PCDH9: variants seen among roughly 807,000 people sequenced by gnomAD.
The protein encoded by PCDH9 is protocadherin 9, also known as protocadherin-9.
PCDH9 carries 24 observed loss-of-function variants against 70.6 expected under a neutral mutation model. The observed-to-expected ratio is 0.34, with a 90% CI of 0.25 to 0.48. PCDH9 has a LOEUF of 0.48. Among genes scored for constraint, PCDH9 ranks in the 20% least tolerant of loss-of-function variants. PCDH9 has a pLI of 0.99. For missense variants in PCDH9, 1,281 were observed against 1,503.6 expected (o/e 0.85, Z 2.45); for synonymous variants, 562 against 558.5 (o/e 1.01, Z -0.09).
chr13:66,453,414 T>C (rs1352405570), intron 4 of PCDH9, among the ~76,000 whole-genome samples: 1 of 152,206 alleles, frequency 6.6e-6, no homozygotes. Context: ...TTTCACATAG[T>C]GATAGCCTAT....
intron 3 of PCDH9, among the ~76,000 whole-genome samples, chr13:66,659,414 A>G (rs1473215398): frequency 6.6e-6 from 1 of 152,198 alleles, no homozygotes; most frequent in Non-Finnish European, 1.5e-5. Flanking sequence ...TACATTTTAT[A>G]TCCTTGGGGA....
At chr13:66,592,696 G>A (rs1027081740) in intron 4 of PCDH9, among the ~76,000 whole-genome samples, 2 of 151,568 alleles carry the variant, frequency 1.3e-5, no homozygotes, top group Admixed American at 1.3e-4. Context: ...GTTGTCTATT[G>A]TAAGGCAAAT....
chr13:66,646,759 G>A (rs145262761), intron 3 of PCDH9, among the ~76,000 whole-genome samples: 559 of 152,262 alleles, frequency 3.7e-3, no homozygotes, highest in Middle Eastern at 0.017. Flanking sequence ...ATGATCACAG[G>A]ACTTGGTTTT....
intron 3 of PCDH9, among the ~76,000 whole-genome samples, chr13:66,734,701 A>C (rs1472671540): frequency 6.6e-6 from 1 of 152,198 alleles, no homozygotes; most frequent in Non-Finnish European, 1.5e-5. Context: ...AATAAATAGC[A>C]GCTCTATTCA....
chr13:67,046,115 T>C (rs986568453), intron 2 of PCDH9, among the ~76,000 whole-genome samples: 1 of 152,190 alleles, frequency 6.6e-6, no homozygotes, highest in Non-Finnish European at 1.5e-5. Context: ...TTCAAACTAT[T>C]ATAATATGTT....
At chr13:66,412,231 A>C (rs1226306144) in intron 4 of PCDH9, among the ~76,000 whole-genome samples, 1 of 152,194 alleles carries the variant, frequency 6.6e-6, no homozygotes, top group East Asian at 1.9e-4. Flanking sequence ...ATGTGATCAC[A>C]GCTCACTGCA....
chr13:66,794,338 A>G (rs2080206331), intron 3 of PCDH9, among the ~76,000 whole-genome samples: 1 of 152,146 alleles, frequency 6.6e-6, no homozygotes, highest in Non-Finnish European at 1.5e-5. Context: ...AAGATCCTAG[A>G]GTAATCTTTC....
chr13:66,828,453 T>G (rs1202422821), intron 3 of PCDH9, among the ~76,000 whole-genome samples: 1 of 152,212 alleles, frequency 6.6e-6, no homozygotes, highest in African/African-American at 2.4e-5. Context: ...TACATGCTTT[T>G]TCTACCACTA....
At chr13:66,861,979 G>A (rs2081492132) in intron 3 of PCDH9, among the ~76,000 whole-genome samples, 1 of 152,090 alleles carries the variant, frequency 6.6e-6, no homozygotes, top group African/African-American at 2.4e-5. Context: ...AAAGACTGCT[G>A]CAAAAGTGAG....
At chr13:66,739,079 G>C (rs1431955552) in intron 3 of PCDH9, among the ~76,000 whole-genome samples, 1 of 133,046 alleles carries the variant, frequency 7.5e-6, no homozygotes, top group Non-Finnish European at 1.6e-5. Flanking sequence ...AAATGTTAAG[G>C]GCAGCCAGAG....
intron 3 of PCDH9, among the ~76,000 whole-genome samples, chr13:66,802,000 T>TTGTATGTTTGTTTGTTTGTTTGTA (rs201106857): frequency 1.7e-4 from 7 of 40,384 alleles, no homozygotes; most frequent in African/African-American, 3.2e-4. Flanking sequence ...GTTTTTCTGT[T>TTGTATGTTTGTTTGTTTGTTTGTA]TGTTTGTTTG....
At chr13:67,222,981 T>C (rs549524682) in intron 2 of PCDH9, 23 of 152,128 alleles carry the variant, frequency 1.5e-4, no homozygotes, top group Non-Finnish European at 3.4e-4. Flanking sequence ...CCGACTTCTA[T>C]CTCTTTTCTC....
intron 3 of PCDH9, among the ~76,000 whole-genome samples, chr13:66,900,803 G>A (rs1475533430): frequency 6.6e-6 from 1 of 151,496 alleles, no homozygotes; most frequent in Non-Finnish European, 1.5e-5. Context: ...ATTTGTGTGT[G>A]TTAAACAGAA....
intron 2 of PCDH9, among the ~76,000 whole-genome samples, chr13:66,964,724 T>C (rs1040900991): frequency 3.9e-5 from 6 of 152,082 alleles, no homozygotes; most frequent in African/African-American, 1.2e-4. Context: ...ATAGACAAGA[T>C]GCTATTTCAG....
At chr13:66,539,664 G>GT (rs935670605) in intron 4 of PCDH9, among the ~76,000 whole-genome samples, 2 of 151,788 alleles carry the variant, frequency 1.3e-5, no homozygotes, top group African/African-American at 2.4e-5. Context: ...GGAGTATTGG[G>GT]TTTTTTTGTT....
chr13:66,573,224 A>G (rs907382430), intron 4 of PCDH9, among the ~76,000 whole-genome samples: 1 of 134,382 alleles, frequency 7.4e-6, no homozygotes, highest in Non-Finnish European at 1.6e-5. Flanking sequence ...GGCTATTTGT[A>G]TGTCTCTTTT....
In PCDH9 at chr13:66,837,989, T is replaced by C. The variant is rs150242367; in HGVS notation, c.3138+65515A>G. On this transcript the variant is annotated intron_variant, in intron 3 of 4. Coordinates refer to ENST00000377865, the MANE Select transcript of PCDH9 (RefSeq NM_203487.3). ...TGAACACTAAATTTTCACTGAAATA[T>C]AAAGAAAAAAATTTAACATCAAAAA... Among the ~76,000 whole-genome samples the C allele has an allele frequency of 8.2e-3, 1,247 of 151,966 alleles. 21 individuals are homozygous for C. The highest frequency in any genetic ancestry group is 0.034 in the Middle Eastern group (10 of 294).
At chr13:66,873,453 C>T (rs992247436) in intron 3 of PCDH9, among the ~76,000 whole-genome samples, 41 of 152,122 alleles carry the variant, frequency 2.7e-4, no homozygotes, top group African/African-American at 8.2e-4. Flanking sequence ...TTACCAAGGA[C>T]GAGAAGCTCT....
intron 2 of PCDH9, among the ~76,000 whole-genome samples, chr13:66,929,705 G>A (rs2082775856): frequency 6.6e-6 from 1 of 152,188 alleles, no homozygotes; most frequent in African/African-American, 2.4e-5. Flanking sequence ...ATAAAAGGTA[G>A]TGGTGTATTT....
Sources: allele counts gnomAD v4.1 joint callset (sites outside exome capture counted in the v4.1 genomes callset), GRCh38; gene constraint gnomAD v4.1.1; transcripts MANE v1.5; gene names NCBI Gene and HGNC (gene_info 2026-07-23, HGNC 2026-07-21).